Variants in ADAM9 observed in about 807,000 individuals in gnomAD.
ADAM9 encodes the protein disintegrin and metalloproteinase domain-containing protein 9.
Under a neutral mutation model 108.1 loss-of-function variants are expected in ADAM9, and 54 were observed. The ratio of observed to expected loss-of-function variants is 0.50; its 90% CI spans 0.40 to 0.63. ADAM9 has a LOEUF of 0.63. Ranked by LOEUF, ADAM9 falls within the 20% of genes least tolerant of loss-of-function variation. The pLI, the probability that ADAM9 is intolerant of heterozygous loss-of-function variation, is 0.00. For missense variants in ADAM9, 830 were observed against 997.7 expected (o/e 0.83, Z 2.26); for synonymous variants, 316 against 336.0 (o/e 0.94, Z 0.65).
intron 1 of ADAM9, among the ~76,000 whole-genome samples, chr8:38,999,966 C>T (rs1411625879): frequency 1.3e-5 from 2 of 151,926 alleles, no homozygotes; most frequent in Non-Finnish European, 2.9e-5. Flanking sequence ...TTTGAGTCAG[C>T]GCTATGGAAC....
chr8:39,012,615 C>A (rs944692293), intron 3 of ADAM9, among the ~76,000 whole-genome samples: 6 of 152,060 alleles, frequency 3.9e-5, no homozygotes, highest in African/African-American at 1.4e-4. Flanking sequence ...ACTATGCAGC[C>A]ATAAAAAAGG....
In ADAM9 at chr8:39,091,345, T is replaced by C. The variant is rs548056219; in HGVS notation, c.2297T>C (p.Val766Ala). 6.2e-7 allele frequency: 1 copy of C among 1,613,006 alleles called. No individual in the cohort carries two copies. Among genetic ancestry groups the C allele is most frequent in the African/African-American group, 1.3e-5 (1 of 75,034 alleles). ...HVSPVTPPRE[V>A]PIYANRFAVP... is the part of the protein sequence containing the mutation. ...TCTCCAGTGACACCTCCCAGAGAAGTTGTAAGTATAAAATGAAAAATTATT... is the reference window on the plus strand; with the variant it reads ...TCTCCAGTGACACCTCCCAGAGAAGCTGTAAGTATAAAATGAAAAATTATT... The change falls in exon 20 of 22, where the codon GTT becomes GCT. Residue 766 changes from valine to alanine, a missense_variant and splice_region_variant. By Grantham distance (64) the Val-to-Ala change is moderately conservative (BLOSUM62 0). Around this residue, in one of 3 missense-constraint regions of ADAM9, gnomAD observed 238 missense variants for 235.7 expected, o/e 1.01. Transcript: ENST00000487273.
chr8:39,037,047 GTT>G (rs1442302258), intron 11 of ADAM9, among the ~76,000 whole-genome samples: 1 of 132,562 alleles, frequency 7.5e-6, no homozygotes, highest in African/African-American at 2.9e-5. Flanking sequence ...GCCTGCGCAA[GTT>G]CTTTTTTTTT....
chr8:39,079,049 A>C (rs928936917), intron 16 of ADAM9, among the ~76,000 whole-genome samples: 2 of 152,186 alleles, frequency 1.3e-5, no homozygotes, highest in Admixed American at 1.3e-4. Flanking sequence ...AAACAATTGG[A>C]GATCAAAGGA....
intron 12 of ADAM9, among the ~76,000 whole-genome samples, chr8:39,047,039 G>T (rs912151691): frequency 1.3e-5 from 2 of 152,202 alleles, no homozygotes; most frequent in African/African-American, 4.8e-5. Context: ...AGAGTGCTGG[G>T]ATTACAGGTG....
intron 1 of ADAM9, among the ~76,000 whole-genome samples, chr8:39,003,373 C>T (rs1256823490): frequency 6.6e-6 from 1 of 151,708 alleles, no homozygotes. Context: ...GTACACAGGA[C>T]AGCGCCCTTA....
In ADAM9 at chr8:39,071,300, G is replaced by A. The variant is rs1281064309; in HGVS notation, c.1594G>A (p.Ala532Thr). 1.2e-6 allele frequency: 2 copies of A among 1,613,600 alleles called. No homozygotes were observed. The highest frequency in any genetic ancestry group is 2.7e-5 in the African/African-American group (2 of 74,810). Reference sequence around the variant, plus strand: ...TTTTTAAATGTTTAATGTTACAGAAGCCAAGGCTGCCCCCAAAGATTGTTT... The same window carrying A: ...TTTTTAAATGTTTAATGTTACAGAAACCAAGGCTGCCCCCAAAGATTGTTT... ...AQCQVIFGSK[A>T]KAAPKDCFIE... The change falls in exon 15 of 22, where the codon GCC becomes ACC. Residue 532 changes from alanine to threonine, a missense_variant and splice_region_variant. Physicochemically the swap from Ala to Thr is moderately conservative, Grantham distance 58. This residue lies in a region of ADAM9 where 381 missense variants were observed against 539.8 expected (regional missense o/e 0.71). Coordinates refer to ENST00000487273, the MANE Select transcript of ADAM9 (RefSeq NM_003816.3).
At chr8:39,049,742 A>G (rs1837895353) in intron 12 of ADAM9, among the ~76,000 whole-genome samples, 1 of 152,134 alleles carries the variant, frequency 6.6e-6, no homozygotes, top group African/African-American at 2.4e-5. Context: ...CCCGGCCTAT[A>G]GTTACATTTT....
At chr8:39,073,364 A>G (rs1838757306) in intron 15 of ADAM9, among the ~76,000 whole-genome samples, 1 of 152,192 alleles carries the variant, frequency 6.6e-6, no homozygotes, top group African/African-American at 2.4e-5. Flanking sequence ...ATACACAATT[A>G]GGATTGTTAT....
At chr8:39,086,140 G>C (rs1193795736) in intron 18 of ADAM9, among the ~76,000 whole-genome samples, 1 of 151,816 alleles carries the variant, frequency 6.6e-6, no homozygotes, top group Non-Finnish European at 1.5e-5. Flanking sequence ...TCAGCCTCCT[G>C]AGTAGCTGGG....
chr8:39,031,336 C>G (rs909708246), intron 11 of ADAM9, among the ~76,000 whole-genome samples: 3 of 152,120 alleles, frequency 2.0e-5, no homozygotes, highest in African/African-American at 7.2e-5. Flanking sequence ...TATTGTATTG[C>G]CTTTGCTCCT....
In ADAM9 at chr8:39,082,998, G is replaced by A. The variant is rs1839069736; in HGVS notation, c.1993G>A (p.Glu665Lys). Residue 665 changes from glutamate to lysine, a missense_variant, in exon 18 of 22, where the codon GAA becomes AAA. Glu to Lys is a moderately conservative substitution (Grantham distance 56). Around this residue, in one of 3 missense-constraint regions of ADAM9, gnomAD observed 238 missense variants for 235.7 expected, o/e 1.01. Transcript: ENST00000487273. The stretch of plus-strand genomic sequence containing the variant: ...TAATAGCAATAAGAATTGTCACTGT[G>A]AAAATGGCTGGGCTCCCCCAAATTG... ...VCNSNKNCHC[E>K]NGWAPPNCET... 1 of 1,613,900 alleles carries A rather than the reference G, an allele frequency of 6.2e-7. No individual in the cohort carries two copies. The highest frequency in any genetic ancestry group is 1.1e-5 in the South Asian group (1 of 91,070).
rs140005708 is a variant in ADAM9, at chr8:39,068,153, G to A, written c.1592-3145G>A. On this transcript the variant is annotated intron_variant, in intron 14 of 21. Transcript: ENST00000487273. ...AGTTTCCATCTTTCACATTAGCCAT[G>A]TTCCTCAGCTCTCCCATAGTCCCTG... Among the ~76,000 whole-genome samples, 110 of 152,168 alleles carry A rather than the reference G, an allele frequency of 7.2e-4. 2 individuals are homozygous for A. In the East Asian group the frequency reaches 0.016, roughly 22 times the overall value.
chr8:39,067,669 G>A, intron 14 of ADAM9, among the ~76,000 whole-genome samples: 2 of 152,032 alleles, frequency 1.3e-5, no homozygotes, highest in Non-Finnish European at 2.9e-5. Context: ...TTTTCTAGAT[G>A]TACAATCATG....
chr8:39,011,728 A>C lies in ADAM9; in HGVS notation c.254+12A>C. Reference sequence around the variant, plus strand: ...TTGGAAAGGAACAAGTAAGACATTTAATTTATTTTGGCTTTTCAGTAATGT... The same window carrying C: ...TTGGAAAGGAACAAGTAAGACATTTCATTTATTTTGGCTTTTCAGTAATGT... On this transcript the variant is annotated intron_variant, in intron 3 of 21. Coordinates refer to ENST00000487273, the MANE Select transcript of ADAM9 (RefSeq NM_003816.3). 1 of 1,605,154 alleles carries C rather than the reference A, an allele frequency of 6.2e-7. No homozygotes were observed. The highest frequency in any genetic ancestry group is 1.3e-5 in the African/African-American group (1 of 74,824).
chr8:39,045,373 CATACACCTATAGGTGTGTG>C (rs1837690696), intron 12 of ADAM9, among the ~76,000 whole-genome samples: 1 of 113,520 alleles, frequency 8.8e-6, no homozygotes, highest in Non-Finnish European at 2.0e-5. Context: ...GGTGTGTGTA[CATACACCTATAGGTGTGTG>C]TACACACACC....
intron 6 of ADAM9, chr8:39,018,572 C>T (rs1201865504): frequency 5.1e-6 from 2 of 394,624 alleles, no homozygotes; most frequent in African/African-American, 2.0e-5. Flanking sequence ...ACATTTTTCT[C>T]ATATTAGTGC....
chr8:39,015,606 A>G (rs1421993226), intron 4 of ADAM9: 2 of 152,890 alleles, frequency 1.3e-5, no homozygotes, highest in Admixed American at 6.5e-5. Context: ...CCAGACTGTC[A>G]TGTATTATAA....
In ADAM9 at chr8:39,082,691, T is replaced by C; in HGVS notation, c.1932T>C (p.Cys644=). ...CVDASVLNYD[C]DVQKKCHGHG... is the part of the protein sequence containing the mutation. ...ATGCTTCTGTTCTGAATTATGACTGTGATGTTCAGAAAAAGTGTCATGGAC... is the reference window on the plus strand; with the variant it reads ...ATGCTTCTGTTCTGAATTATGACTGCGATGTTCAGAAAAAGTGTCATGGAC... Residue 644 remains cysteine (C), a synonymous_variant, in exon 17 of 22, where the codon TGT becomes TGC. Coordinates refer to ENST00000487273, the MANE Select transcript of ADAM9 (RefSeq NM_003816.3). 2 of 1,612,222 alleles carry C rather than the reference T, an allele frequency of 1.2e-6. No homozygotes were observed. Among genetic ancestry groups the C allele is most frequent in the Non-Finnish European group, 1.7e-6 (2 of 1,179,302 alleles).
Sources: gnomAD v4.1 joint callset for allele counts (sites outside exome capture counted in the v4.1 genomes callset) on GRCh38, gnomAD v4.1.1 for gene constraint, gnomAD v4.1.1 regional missense constraint, MANE v1.5 for transcripts, NCBI Gene and HGNC (gene_info 2026-07-23, HGNC 2026-07-21) for gene names.